The following PRKDC variants were observed in gnomAD, a reference collection of about 807,000 sequenced individuals.
The protein encoded by PRKDC is protein kinase, DNA-activated, catalytic subunit.
A neutral mutation model predicts 486.9 loss-of-function variants in PRKDC; 82 were observed. That is an observed-to-expected ratio of 0.17 (90% CI 0.14 to 0.20). The LOEUF (loss-of-function observed/expected upper bound fraction) is 0.20. Ranked by LOEUF, PRKDC falls within the 10% of genes least tolerant of loss-of-function variation. The probability of loss-of-function intolerance (pLI) is 1.00; values close to 1 mark genes in which losing one functional copy is unlikely to be tolerated. For synonymous variants in PRKDC, 1,895 were observed against 1,837.0 expected (o/e 1.03, Z -0.81); for missense variants, 4,504 against 5,038.2 (o/e 0.89, Z 3.21).
At chr8:47,939,244 T>C (rs941989083) in intron 11 of PRKDC, among the ~76,000 whole-genome samples, 2 of 152,182 alleles carry the variant, frequency 1.3e-5, no homozygotes, top group African/African-American at 4.8e-5. Context: ...GCGGGAGGGA[T>C]TGGTTCCAGG....
chr8:47,932,305 G>A lies in PRKDC; in HGVS notation c.1776+715C>T, dbSNP rs535613023. ...TCACCGTGTTAGCCAGGATGGTCTC[G>A]ATCTCCTGACCTTGTGATCCGCCTG... On this transcript the variant is annotated intron_variant, in intron 16 of 85. Coordinates refer to ENST00000314191, the MANE Select transcript of PRKDC (RefSeq NM_006904.7). Among the ~76,000 whole-genome samples the A allele has an allele frequency of 1.5e-4, 22 of 151,564 alleles. No individual in the cohort carries two copies. The South Asian group carries it at 1.5e-3, about 10-fold the overall frequency.
intron 25 of PRKDC, among the ~76,000 whole-genome samples, chr8:47,907,955 A>C (rs544057658): frequency 1.3e-5 from 2 of 152,274 alleles, no homozygotes; most frequent in Middle Eastern, 6.8e-3. Context: ...TCAACTATGG[A>C]CCACAACCAA....
At chr8:47,922,312 T>C (rs1366158903) in intron 21 of PRKDC, among the ~76,000 whole-genome samples, 1 of 151,928 alleles carries the variant, frequency 6.6e-6, no homozygotes, top group African/African-American at 2.4e-5. Flanking sequence ...TTTAAAATTT[T>C]TGTAACGAAA....
chr8:47,776,741 T>C (rs774828066), intron 85 of PRKDC, 103 bp downstream of exon 85: 4 of 1,415,588 alleles, frequency 2.8e-6, no homozygotes, highest in Non-Finnish European at 3.9e-6. Context: ...GAAGTCATGC[T>C]AACAGAGTGT....
At position 47,882,114 on chromosome 8, in the gene PRKDC, G is replaced by A; in HGVS notation, c.4777-17C>T. On this transcript the variant is annotated splice_polypyrimidine_tract_variant and intron_variant, in intron 36 of 85. Transcript: ENST00000314191. The stretch of plus-strand genomic sequence containing the variant: ...GGCACTCACCTGAGACAATTTCGTT[G>A]TGAGTGAAGAAAAATTCTTAATTTT... 1 of 1,581,858 alleles carries A rather than the reference G, an allele frequency of 6.3e-7. No homozygotes were observed. The highest frequency in any genetic ancestry group is 8.6e-7 in the Non-Finnish European group (1 of 1,163,914).
chr8:47,819,534 A>T, intron 66 of PRKDC, 24 bp from the exon 67 acceptor site: 1 of 1,064,698 alleles, frequency 9.4e-7, no homozygotes, highest in African/African-American at 1.8e-5. Flanking sequence ...AAAAAAAAAA[A>T]GGGCATTTAC....
At chr8:47,914,199 CT>C in intron 23 of PRKDC, 135 bp from the exon 24 acceptor site, 1 of 732,632 alleles carries the variant, frequency 1.4e-6, no homozygotes, top group Non-Finnish European at 1.9e-6. Context: ...TCATCTTTCC[CT>C]TTTCTTTTGC....
At chr8:47,794,147 T>A in intron 74 of PRKDC, 143 bp downstream of exon 74, 3 of 694,640 alleles carry the variant, frequency 4.3e-6, no homozygotes, top group Non-Finnish European at 7.2e-6. Flanking sequence ...ATAGATATAT[T>A]CAACAAAGCG....
chr8:47,823,455 G>T (rs1465036301), intron 64 of PRKDC, among the ~76,000 whole-genome samples: 1 of 151,754 alleles, frequency 6.6e-6, no homozygotes, highest in South Asian at 2.1e-4. Context: ...CTGAAGCCAA[G>T]CAGAAGGCAG....
rs770194016 is a variant in PRKDC at position 47,927,198 on chromosome 8, C to G, written c.2415G>C (p.Leu805Phe). ...CACAATTCTTCTAAACATTACCTGACAAGGCTGAAGTCTTCAGGTATCCAT... is the reference window on the plus strand; with the variant it reads ...CACAATTCTTCTAAACATTACCTGAGAAGGCTGAAGTCTTCAGGTATCCAT... The part of the protein sequence containing the change: ...CLDGYLKTSA[L>F]SDETKNNWEV... The change falls in exon 21 of 86, where the codon TTG (leucine) becomes TTC (phenylalanine). Residue 805 changes from leucine to phenylalanine, a missense_variant. Around this residue, in one of 6 missense-constraint regions of PRKDC, gnomAD observed 1,969 missense variants for 2,068.9 expected, o/e 0.95. Transcript: ENST00000314191. The G allele has an allele frequency of 6.2e-7, 1 of 1,613,186 alleles. No homozygotes were observed. Among genetic ancestry groups the G allele is most frequent in the African/African-American group, 1.3e-5 (1 of 74,902 alleles).
Position 47,782,634 on chromosome 8 carries a change from T to C in PRKDC, c.11176-36A>G. On this transcript the variant is annotated intron_variant, in intron 78 of 85. Transcript: ENST00000314191. The surrounding 1 kb of genome is among the most constrained non-coding windows in gnomAD (Gnocchi z 4.9). ...CAGAATGTCATCTCAGGGCACAGGC[T>C]AGCCACGTGTCAAACTCAGAGGGAA... 1.3e-6 allele frequency: 2 copies of C among 1,541,808 alleles called. No homozygotes were observed. The highest frequency in any genetic ancestry group is 8.8e-7 in the Non-Finnish European group (1 of 1,141,516).
chr8:47,876,173 TTGCATACTCAA>T (rs1563779508), intron 40 of PRKDC, among the ~76,000 whole-genome samples: 1 of 152,254 alleles, frequency 6.6e-6, no homozygotes, highest in Admixed American at 6.5e-5. Context: ...ATGGTGCTGG[TTGCATACTCAA>T]TAAACTACCT....
chr8:47,849,933 T>A (rs1020362026), intron 52 of PRKDC, among the ~76,000 whole-genome samples: 1 of 152,246 alleles, frequency 6.6e-6, no homozygotes, highest in African/African-American at 2.4e-5. Flanking sequence ...TCACATGGAC[T>A]AGAATTTTCA....
intron 84 of PRKDC, among the ~76,000 whole-genome samples, 175 bp from the exon 85 acceptor site, chr8:47,777,158 G>C (rs1400978256): frequency 6.6e-6 from 1 of 151,978 alleles, no homozygotes; most frequent in Non-Finnish European, 1.5e-5. Context: ...CACATCACGA[G>C]ACGAGGGGCC....
intron 54 of PRKDC, among the ~76,000 whole-genome samples, chr8:47,842,536 T>C (rs898789035): frequency 1.1e-4 from 17 of 151,928 alleles, no homozygotes; most frequent in Admixed American, 7.2e-4. Flanking sequence ...ATACTCAGCA[T>C]ACACCACAGT....
rs2154504593 is a variant in PRKDC at position 47,954,328 on chromosome 8, T to G, written c.508+10A>C. 1.9e-6 allele frequency: 2 copies of G among 1,073,664 alleles called. No homozygotes were observed. The highest frequency in any genetic ancestry group is 2.6e-6 in the Non-Finnish European group (2 of 770,056). The allele number at this position is 1,073,664 out of a possible 1,614,324, so 66.5% of individuals were successfully genotyped here. Reference sequence around the variant, plus strand: ...AAACTATTTGAAAATAACATGTAAATGCATCTCACCTGTATCTGGTATTTT... The same window carrying G: ...AAACTATTTGAAAATAACATGTAAAGGCATCTCACCTGTATCTGGTATTTT... On this transcript the variant is annotated intron_variant, in intron 5 of 85. Transcript: ENST00000314191.
Position 47,834,380 on chromosome 8 carries a change from A to G in PRKDC, c.7968T>C (p.Phe2656=). 6.2e-7 allele frequency: 1 copy of G among 1,613,566 alleles called. No homozygotes were observed. Among genetic ancestry groups the G allele is most frequent in the Non-Finnish European group, 8.5e-7 (1 of 1,179,842 alleles). Residue 2656 remains phenylalanine (F), a synonymous_variant, in exon 59 of 86, where the codon TTT becomes TTC. Coordinates refer to ENST00000314191, the MANE Select transcript of PRKDC (RefSeq NM_006904.7). ...LTQTADGRSS[F]DWLTGSSTDP... is the part of the protein sequence containing the mutation. ...CAGTGCTGCTCCCGGTCAGCCAATCAAATGAGCTTCTTCCATCTGTGACAT... is the reference window on the plus strand; with the variant it reads ...CAGTGCTGCTCCCGGTCAGCCAATCGAATGAGCTTCTTCCATCTGTGACAT...
chr8:47,915,866 ATTC>A (rs1158857378), intron 22 of PRKDC, among the ~76,000 whole-genome samples: 1 of 152,212 alleles, frequency 6.6e-6, no homozygotes, highest in Non-Finnish European at 1.5e-5. Flanking sequence ...AACTGTAGTT[ATTC>A]TTCTTTGATA....
chr8:47,862,797 G>A (rs533203001), intron 42 of PRKDC, among the ~76,000 whole-genome samples: 56 of 152,256 alleles, frequency 3.7e-4, no homozygotes, highest in African/African-American at 9.4e-4. Flanking sequence ...GTAAAGAGAG[G>A]GAAGGAAGCA....
Sources: gnomAD v4.1 joint callset for allele counts (sites outside exome capture counted in the v4.1 genomes callset) on GRCh38, gnomAD v4.1.1 for gene constraint, gnomAD v4.1.1 regional missense constraint, Gnocchi (gnomAD v3.1) non-coding constraint, MANE v1.5 for transcripts, NCBI Gene and HGNC (gene_info 2026-07-23, HGNC 2026-07-21) for gene names.